The following YTHDF2 variants were observed in gnomAD, a reference collection of about 807,000 sequenced individuals.
The protein encoded by YTHDF2 is YTH domain-containing family protein 2.
A neutral mutation model predicts 50.4 loss-of-function variants in YTHDF2; 2 were observed. The ratio of observed to expected loss-of-function variants is 0.04; its 90% CI spans 0.02 to 0.12. YTHDF2 has a LOEUF of 0.12. Among genes scored for constraint, YTHDF2 ranks in the 10% least tolerant of loss-of-function variants. The pLI is 1.00. For synonymous variants in YTHDF2, 217 were observed against 255.6 expected, an observed-to-expected ratio of 0.85 and a Z score of 1.44; for missense variants, 483 against 722.6, an observed-to-expected ratio of 0.67 and a Z score of 3.80.
At position 28,737,480 on chromosome 1, in the gene YTHDF2, C is replaced by T. The variant is rs186999653; in HGVS notation, c.28-178C>T. 17 of 854,780 alleles carry T rather than the reference C, an allele frequency of 2.0e-5. No homozygotes were observed. The East Asian group carries it at 4.8e-4, about 24-fold the overall frequency. The allele number at this position is 854,780 out of a possible 1,614,324, so 52.9% of individuals were successfully genotyped here. A position where few individuals can be genotyped will look rare whatever the true frequency, so the allele number is the denominator to read the frequency against. Reference sequence around the variant, plus strand: ...GTCTGCCGCGTTTTCTCCCCTGCCCCACGGGCCTGGCGCTTTCCCCCGCCT... The same window carrying T: ...GTCTGCCGCGTTTTCTCCCCTGCCCTACGGGCCTGGCGCTTTCCCCCGCCT... On this transcript the variant is annotated intron_variant, in intron 1 of 4. Coordinates refer to ENST00000373812, the MANE Select transcript of YTHDF2 (RefSeq NM_016258.3).
intron 4 of YTHDF2, among the ~76,000 whole-genome samples, chr1:28,754,226 A>G (rs1042771361): frequency 6.6e-6 from 1 of 152,240 alleles, no homozygotes; most frequent in Non-Finnish European, 1.5e-5. Context: ...TAGGAAAGCA[A>G]CTTATCAAAA....
At position 28,766,952 on chromosome 1, in the gene YTHDF2, C is replaced by T. The variant is rs191321016; in HGVS notation, c.1717-1977C>T. Among the ~76,000 whole-genome samples, 677 of 151,882 alleles carry T rather than the reference C, an allele frequency of 4.5e-3. 19 individuals are homozygous for T. The highest frequency in any genetic ancestry group is 9.9e-3 in the East Asian group (51 of 5,176). ...TGCTTAAGCCATCCTCCCAGCTCAC[C>T]CCCCAAGTAGCTGGGACCACAGGCA... is the stretch of plus-strand genomic sequence containing the variant. On this transcript the variant is annotated intron_variant, in intron 4 of 4. Transcript: ENST00000373812.
intron 3 of YTHDF2, 91 bp from the exon 4 acceptor site, chr1:28,742,312 A>G (rs1570462561): frequency 2.7e-6 from 4 of 1,460,934 alleles, no homozygotes; most frequent in Admixed American, 4.6e-5. Flanking sequence ...TCCTTTTTAT[A>G]GTATATTTGA....
At chr1:28,738,546 G>A (rs1167262132) in intron 3 of YTHDF2, among the ~76,000 whole-genome samples, 3 of 152,158 alleles carry the variant, frequency 2.0e-5, no homozygotes, top group Admixed American at 1.3e-4. Context: ...TCGGGTTCAA[G>A]CGAATCTCCT....
intron 4 of YTHDF2, among the ~76,000 whole-genome samples, chr1:28,747,903 A>G (rs1176304479): frequency 6.6e-6 from 1 of 151,414 alleles, no homozygotes; most frequent in Non-Finnish European, 1.5e-5. Flanking sequence ...AGGCGGGCAG[A>G]TCACAAGGTC....
At chr1:28,747,042 A>G (rs1354961554) in intron 4 of YTHDF2, among the ~76,000 whole-genome samples, 1 of 152,136 alleles carries the variant, frequency 6.6e-6, no homozygotes, top group Non-Finnish European at 1.5e-5. Context: ...AGATGGTGCC[A>G]TTGCACTCCA....
At chr1:28,749,434 C>G (rs1394297453) in intron 4 of YTHDF2, among the ~76,000 whole-genome samples, 1 of 152,098 alleles carries the variant, frequency 6.6e-6, no homozygotes, top group Non-Finnish European at 1.5e-5. Context: ...CCCGCCCCGG[C>G]CTCCCAAAGT....
intron 4 of YTHDF2, among the ~76,000 whole-genome samples, chr1:28,752,302 G>GTTA (rs1216104522): frequency 1.3e-5 from 2 of 151,786 alleles, no homozygotes; most frequent in African/African-American, 4.8e-5. Context: ...TGTTTTTGTT[G>GTTA]TTGTTGTTGT....
chr1:28,755,896 C>G (rs575202346), intron 4 of YTHDF2, among the ~76,000 whole-genome samples: 2 of 152,224 alleles, frequency 1.3e-5, no homozygotes, highest in East Asian at 3.9e-4. Flanking sequence ...ACATTTCTTA[C>G]CCCAAGAATT....
chr1:28,755,135 T>A (rs903054991), intron 4 of YTHDF2, among the ~76,000 whole-genome samples: 7 of 152,008 alleles, frequency 4.6e-5, no homozygotes, highest in African/African-American at 1.7e-4. Context: ...TTTCAAAAAT[T>A]AAAGATGATG....
chr1:28,746,800 T>C (rs573956865), intron 4 of YTHDF2, among the ~76,000 whole-genome samples: 1 of 152,010 alleles, frequency 6.6e-6, no homozygotes, highest in South Asian at 2.1e-4. Context: ...AATTTAGCTT[T>C]TGGCCAGGCT....
At chr1:28,737,911 C>T (rs2087720362) in intron 2 of YTHDF2, 3 of 596,742 alleles carry the variant, frequency 5.0e-6, no homozygotes, top group Non-Finnish European at 5.9e-6. Context: ...GGTTTTGAAA[C>T]GCTCCAGGTC....
intron 4 of YTHDF2, among the ~76,000 whole-genome samples, chr1:28,766,184 T>C (rs1000325863): frequency 6.6e-6 from 1 of 152,174 alleles, no homozygotes; most frequent in African/African-American, 2.4e-5. Flanking sequence ...GGCTCACTGC[T>C]GCCTTCATCT....
At chr1:28,761,417 T>G (rs1441397624) in intron 4 of YTHDF2, among the ~76,000 whole-genome samples, 2 of 151,936 alleles carry the variant, frequency 1.3e-5, no homozygotes, top group Non-Finnish European at 2.9e-5. Context: ...GGATTCCAGG[T>G]GTGAGCCACC....
chr1:28,761,180 G>A (rs925735330), intron 4 of YTHDF2, among the ~76,000 whole-genome samples: 1 of 134,938 alleles, frequency 7.4e-6, no homozygotes, highest in Non-Finnish European at 1.5e-5. Flanking sequence ...TGTCACCCAG[G>A]CTGGAGTGTA....
intron 4 of YTHDF2, among the ~76,000 whole-genome samples, chr1:28,746,816 T>A (rs2087869702): frequency 6.6e-6 from 1 of 152,140 alleles, no homozygotes; most frequent in Non-Finnish European, 1.5e-5. Context: ...AGGCTCTGGC[T>A]CACGCCTGTA....
At chr1:28,745,196 TAGC>T (rs1444435633) in intron 4 of YTHDF2, among the ~76,000 whole-genome samples, 2 of 152,216 alleles carry the variant, frequency 1.3e-5, no homozygotes, top group African/African-American at 2.4e-5. Flanking sequence ...TTACTCCTTT[TAGC>T]AGTGGAGGAA....
At chr1:28,749,398 T>C (rs944434982) in intron 4 of YTHDF2, among the ~76,000 whole-genome samples, 2 of 152,064 alleles carry the variant, frequency 1.3e-5, no homozygotes, top group African/African-American at 4.8e-5. Flanking sequence ...GCCAGGATGG[T>C]CTCGATCTCC....
At chr1:28,749,172 T>A (rs1262404954) in intron 4 of YTHDF2, among the ~76,000 whole-genome samples, 1 of 143,928 alleles carries the variant, frequency 6.9e-6, no homozygotes. Context: ...AGAGCCTTTC[T>A]TTCTTCCTTT....
Sources: allele counts gnomAD v4.1 joint callset (sites outside exome capture counted in the v4.1 genomes callset), GRCh38; gene constraint gnomAD v4.1.1; transcripts MANE v1.5; gene names NCBI Gene and HGNC (gene_info 2026-07-23, HGNC 2026-07-21).